Variants in COL4A2 observed in about 807,000 individuals in gnomAD.
COL4A2 encodes collagen alpha-2(IV) chain.
In COL4A2, 99 loss-of-function variants were observed where a neutral mutation model predicts 200.2. The ratio of observed to expected loss-of-function variants is 0.49; its 90% CI spans 0.42 to 0.58. The LOEUF is 0.58. Among genes scored for constraint, COL4A2 ranks in the 20% least tolerant of loss-of-function variants. The probability of loss-of-function intolerance (pLI) is 0.00; values close to 1 mark genes in which losing one functional copy is unlikely to be tolerated. For synonymous variants in COL4A2, 897 were observed against 900.6 expected (o/e 1.00, Z 0.07); for missense variants, 1,950 against 2,314.1 (o/e 0.84, Z 3.23).
intron 4 of COL4A2, among the ~76,000 whole-genome samples, chr13:110,415,005 A>G (rs926376946): frequency 6.6e-6 from 1 of 152,184 alleles, no homozygotes; most frequent in African/African-American, 2.4e-5. Flanking sequence ...GCATTGTGCT[A>G]AGTGAAAGGA....
intron 15 of COL4A2, among the ~76,000 whole-genome samples, chr13:110,438,938 T>C (rs1881020201): frequency 1.3e-5 from 2 of 152,168 alleles, no homozygotes; most frequent in East Asian, 3.9e-4. Flanking sequence ...GCCCTCCCCG[T>C]GGAGGAGGCG....
rs778696475 is a variant in COL4A2, at chr13:110,482,603, C to T, written c.2846C>T (p.Ala949Val). 8 of 1,614,120 alleles carry T rather than the reference C, an allele frequency of 5.0e-6. No homozygotes were observed. Among genetic ancestry groups the T allele is most frequent in the Non-Finnish European group, 6.8e-6 (8 of 1,180,012 alleles). The change falls in exon 32 of 48, where the codon GCT becomes GTT. Residue 949 changes from alanine to valine, a missense_variant. Around this residue, in one of 2 missense-constraint regions of COL4A2, gnomAD observed 1,385 missense variants for 1,720.5 expected, o/e 0.80. Coordinates refer to ENST00000360467, the MANE Select transcript of COL4A2 (RefSeq NM_001846.4). ...GGGTTTCCAGGGAGCAAAGGCGAGG[C>T]TGGATTTTTCGGAATACCCGGTCTG... ...RPGFPGSKGE[A>V]GFFGIPGLKG...
chr13:110,464,112 TTG>T (rs1284854796), intron 24 of COL4A2, among the ~76,000 whole-genome samples: 3 of 152,094 alleles, frequency 2.0e-5, no homozygotes, highest in African/African-American at 7.2e-5. Context: ...GAGTCTGGAT[TTG>T]TTACGGTAGT....
intron 47 of COL4A2, among the ~76,000 whole-genome samples, chr13:110,509,818 C>T (rs932027050): frequency 6.6e-6 from 1 of 152,182 alleles, no homozygotes; most frequent in South Asian, 2.1e-4. Flanking sequence ...TGGGTTGAGA[C>T]GGCTCCTGGG....
At chr13:110,467,751 G>A (rs746550940) in intron 27 of COL4A2, among the ~76,000 whole-genome samples, 4 of 152,188 alleles carry the variant, frequency 2.6e-5, no homozygotes, top group African/African-American at 9.7e-5. Context: ...TGTGAGCATC[G>A]GGGAACACAG....
At chr13:110,500,377 G>A (rs1400315335) in intron 40 of COL4A2, among the ~76,000 whole-genome samples, 4 of 152,200 alleles carry the variant, frequency 2.6e-5, no homozygotes, top group Non-Finnish European at 2.9e-5. Context: ...AAAACAAAAG[G>A]CTGAAGGTGC....
At chr13:110,456,528 C>A (rs1462148817) in intron 20 of COL4A2, 6 of 352,674 alleles carry the variant, frequency 1.7e-5, no homozygotes, top group Middle Eastern at 1.0e-3. Flanking sequence ...AATTGTTATC[C>A]CTATAGTTTA....
chr13:110,483,280 G>A (rs1226182732), intron 32 of COL4A2, among the ~76,000 whole-genome samples: 2 of 152,200 alleles, frequency 1.3e-5, no homozygotes, highest in African/African-American at 4.8e-5. Context: ...TGAGGAGGTG[G>A]AGAAATGGGA....
chr13:110,457,949 GACCCTTTCCA>G, intron 21 of COL4A2: 1 of 392,412 alleles, frequency 2.5e-6, no homozygotes, highest in Non-Finnish European at 5.2e-6. Flanking sequence ...CTTTGCACCT[GACCCTTTCCA>G]GTCACCTCAG....
At chr13:110,355,462 T>A (rs1877172810) in intron 3 of COL4A2, among the ~76,000 whole-genome samples, 1 of 103,842 alleles carries the variant, frequency 9.6e-6, no homozygotes. Flanking sequence ...GGGGGAGGGC[T>A]GCACTAGCTC....
chr13:110,370,545 G>C (rs1044563354), intron 4 of COL4A2, among the ~76,000 whole-genome samples: 1 of 152,192 alleles, frequency 6.6e-6, no homozygotes, highest in African/African-American at 2.4e-5. Flanking sequence ...GTGAGCCACC[G>C]TGCACAGCTT....
At chr13:110,380,810 C>G (rs1346420398) in intron 4 of COL4A2, among the ~76,000 whole-genome samples, 2 of 148,622 alleles carry the variant, frequency 1.3e-5, no homozygotes, top group Admixed American at 1.3e-4. Context: ...CCCATGGGCT[C>G]TAACTCACAC....
intron 3 of COL4A2, among the ~76,000 whole-genome samples, chr13:110,315,979 T>C (rs189938201): frequency 4.0e-4 from 60 of 151,790 alleles, no homozygotes; most frequent in Middle Eastern, 3.4e-3. Flanking sequence ...GGTTTTTTTT[T>C]CCCAAATTAT....
chr13:110,430,654 A>G, intron 10 of COL4A2, 47 bp downstream of exon 10: 2 of 1,613,054 alleles, frequency 1.2e-6, no homozygotes, highest in Non-Finnish European at 1.7e-6. Flanking sequence ...TCGTCCGGTC[A>G]TCCCTTCCAG....
chr13:110,439,675 T>C, intron 15 of COL4A2, 114 bp from the exon 16 acceptor site: 2 of 1,545,548 alleles, frequency 1.3e-6, no homozygotes, highest in Non-Finnish European at 1.8e-6. Flanking sequence ...TGAGACTTGT[T>C]CAATCTGTCC....
At position 110,307,732 on chromosome 13, in the gene COL4A2, G is replaced by A; in HGVS notation, c.-44-128G>A. 2.4e-6 allele frequency: 2 copies of A among 851,060 alleles called. No homozygotes were observed. The highest frequency in any genetic ancestry group is 3.5e-6 in the Non-Finnish European group (2 of 564,744). 52.7% of individuals were successfully genotyped at this position (851,060 alleles called of 1,614,324 possible). On this transcript the variant is annotated intron_variant, in intron 1 of 47. Transcript: ENST00000360467. The surrounding 1 kb of genome is among the most constrained non-coding windows in gnomAD (Gnocchi z 5.0). ...TTCTTTCCGGGTCGTGGGGGGGACG[G>A]CCCTCCGGTCACCCCTGCATGCGGG...
chr13:110,357,436 G>A, intron 3 of COL4A2, 36 bp from the exon 4 acceptor site: 1 of 1,560,106 alleles, frequency 6.4e-7, no homozygotes, highest in East Asian at 2.4e-5. Context: ...GCAATGTTTA[G>A]GTAACTTTTC....
chr13:110,446,909 T>A, intron 18 of COL4A2, 45 bp downstream of exon 18: 3 of 1,517,298 alleles, frequency 2.0e-6, no homozygotes, highest in Non-Finnish European at 2.7e-6. Context: ...CGCATACACA[T>A]TCTCTCCTGT....
intron 40 of COL4A2, 150 bp downstream of exon 40, chr13:110,495,617 C>A: frequency 2.0e-6 from 2 of 999,518 alleles, no homozygotes; most frequent in Non-Finnish European, 2.9e-6. Flanking sequence ...TGTTGCAGGA[C>A]CTCTCAGCTA....
Sources: allele counts gnomAD v4.1 joint callset (sites outside exome capture counted in the v4.1 genomes callset), GRCh38; gene constraint gnomAD v4.1.1; regional missense constraint gnomAD v4.1.1; non-coding constraint Gnocchi (gnomAD v3.1); transcripts MANE v1.5; gene names NCBI Gene and HGNC (gene_info 2026-07-23, HGNC 2026-07-21).